Variants in ATP11B observed in about 807,000 individuals in gnomAD.
ATP11B encodes phospholipid-transporting ATPase IF.
ATP11B carries 81 observed loss-of-function variants against 157.8 expected under a neutral mutation model. The ratio of observed to expected loss-of-function variants is 0.51; its 90% confidence interval spans 0.43 to 0.62. The LOEUF (loss-of-function observed/expected upper bound fraction) is 0.62, where lower values mean the gene tolerates loss of function less well. Among genes scored for constraint, ATP11B ranks in the 20% least tolerant of loss-of-function variants. The probability of loss-of-function intolerance (pLI) is 0.00; values close to 1 mark genes in which losing one functional copy is unlikely to be tolerated. For missense variants in ATP11B, 1,165 were observed against 1,402.2 expected (o/e 0.83, Z 2.70); for synonymous variants, 451 against 469.4 (o/e 0.96, Z 0.51).
At chr3:182,901,710 C>G (rs1723980815) in intron 28 of ATP11B, among the ~76,000 whole-genome samples, 1 of 152,082 alleles carries the variant, frequency 6.6e-6, no homozygotes, top group Non-Finnish European at 1.5e-5. Context: ...TTCTTGTTAC[C>G]TTTCCTATAG....
chr3:182,914,285 T>C (rs1349664221), intron 29 of ATP11B: 5 of 1,114,988 alleles, frequency 4.5e-6, no homozygotes. Context: ...GTGTTTATGG[T>C]ACTCTTTTAT....
chr3:182,901,874 A>T (rs1723993046), intron 28 of ATP11B, among the ~76,000 whole-genome samples: 1 of 152,122 alleles, frequency 6.6e-6, no homozygotes, highest in East Asian at 1.9e-4. Context: ...ACAGTGCATC[A>T]ATCATTTTAT....
At chr3:182,879,396 TAA>T in intron 19 of ATP11B, 98 bp from the exon 20 acceptor site, 1 of 1,045,892 alleles carries the variant, frequency 9.6e-7, no homozygotes, top group Non-Finnish European at 1.3e-6. Context: ...GGGCTGTGGG[TAA>T]AAGATCCATC....
At chr3:182,826,974 AG>A (rs1717767198) in intron 2 of ATP11B, among the ~76,000 whole-genome samples, 1 of 152,206 alleles carries the variant, frequency 6.6e-6, no homozygotes, top group African/African-American at 2.4e-5. Context: ...GCCTGAGATC[AG>A]GATATTATCT....
At chr3:182,862,074 C>T (rs1281221256) in intron 12 of ATP11B, among the ~76,000 whole-genome samples, 1 of 151,852 alleles carries the variant, frequency 6.6e-6, no homozygotes, top group Non-Finnish European at 1.5e-5. Context: ...GGCAAAACCC[C>T]ATCTCTACAA....
Position 182,885,965 on chromosome 3 carries a change from C to T in ATP11B, c.2670C>T (p.Ile890=). The change falls in exon 23 of 30, where the codon ATC becomes ATT. Residue 890 remains isoleucine, a synonymous_variant. Transcript: ENST00000323116. ...TTGTTTTTCAGAATGTGTGCTTTAT[C>T]ACACCCCAGTTTTTATATCAGTTCT... The part of the protein sequence containing the change: ...QYFFYKNVCF[I]TPQFLYQFYC... 6.7e-7 allele frequency: 1 copy of T among 1,501,446 alleles called. No individual in the cohort carries two copies. The highest frequency in any genetic ancestry group is 8.8e-7 in the Non-Finnish European group (1 of 1,134,486). 93.0% of individuals were successfully genotyped at this position (1,501,446 alleles called of 1,614,324 possible).
At chr3:182,871,387 T>A (rs1721645775) in intron 17 of ATP11B, among the ~76,000 whole-genome samples, 2 of 152,252 alleles carry the variant, frequency 1.3e-5, no homozygotes, top group Admixed American at 1.3e-4. Context: ...TAGATTTAGA[T>A]ATCAACTTTC....
chr3:182,848,762 A>G (rs1719738703), intron 10 of ATP11B, among the ~76,000 whole-genome samples: 1 of 152,130 alleles, frequency 6.6e-6, no homozygotes, highest in Non-Finnish European at 1.5e-5. Flanking sequence ...ATGACTTTTA[A>G]AATAAATACT....
intron 1 of ATP11B, among the ~76,000 whole-genome samples, chr3:182,810,098 G>A (rs111674949): frequency 0.13 from 19,918 of 152,072 alleles, 1,525 homozygotes; most frequent in African/African-American, 0.22. Flanking sequence ...TTGGGAAGCC[G>A]AGGCGAGCAG....
At chr3:182,802,735 A>C (rs1372482227) in intron 1 of ATP11B, among the ~76,000 whole-genome samples, 1 of 152,012 alleles carries the variant, frequency 6.6e-6, no homozygotes, top group African/African-American at 2.4e-5. Flanking sequence ...CTCAGCACTT[A>C]ATGCTATTTA....
chr3:182,827,670 TACTA>T (rs1369991583), intron 2 of ATP11B, among the ~76,000 whole-genome samples: 6 of 152,082 alleles, frequency 3.9e-5, no homozygotes, highest in Admixed American at 2.6e-4. Context: ...TCATATTTCA[TACTA>T]AACAAACTAT....
chr3:182,847,797 G>A (rs947219129), intron 9 of ATP11B, among the ~76,000 whole-genome samples: 10 of 152,172 alleles, frequency 6.6e-5, no homozygotes, highest in Non-Finnish European at 1.3e-4. Flanking sequence ...CTTACCCGAG[G>A]ATGTAGAACT....
intron 19 of ATP11B, among the ~76,000 whole-genome samples, chr3:182,875,704 G>A (rs1721988357): frequency 1.3e-5 from 2 of 152,176 alleles, no homozygotes; most frequent in African/African-American, 4.8e-5. Context: ...GCCTCCCAAA[G>A]TGCTGGGATT....
intron 1 of ATP11B, among the ~76,000 whole-genome samples, chr3:182,803,924 C>T (rs140589347): frequency 6.6e-6 from 1 of 152,174 alleles, no homozygotes; most frequent in Non-Finnish European, 1.5e-5. Context: ...AAATAATGCT[C>T]TGTCTTAATT....
In ATP11B at chr3:182,866,310, C is replaced by A. The variant is rs760555099; in HGVS notation, c.1486C>A (p.His496Asn). 12 of 1,608,692 alleles carry A rather than the reference C, an allele frequency of 7.5e-6. No homozygotes were observed. Among genetic ancestry groups the A allele is most frequent in the Non-Finnish European group, 9.3e-6 (11 of 1,176,776 alleles). ...DLFFKAVSLCHTVQISNVQTD... is the reference protein window; with the variant it reads ...DLFFKAVSLCNTVQISNVQTD... ...CTTCTTTAAAGCAGTCAGTCTCTGT[C>A]ACACTGTACAGATTAGCAATGTTCA... The change falls in exon 14 of 30, where the codon CAC becomes AAC. Residue 496 changes from histidine to asparagine, a missense_variant. His to Asn is a moderately conservative substitution (Grantham distance 68). Transcript: ENST00000323116.
At chr3:182,804,214 C>A (rs1716179976) in intron 1 of ATP11B, among the ~76,000 whole-genome samples, 1 of 151,912 alleles carries the variant, frequency 6.6e-6, no homozygotes, top group Non-Finnish European at 1.5e-5. Flanking sequence ...ACATAATCTA[C>A]AAATAACATA....
At chr3:182,906,238 A>T (rs976764194) in intron 28 of ATP11B, among the ~76,000 whole-genome samples, 1 of 152,120 alleles carries the variant, frequency 6.6e-6, no homozygotes, top group African/African-American at 2.4e-5. Flanking sequence ...CTCCTTTTGA[A>T]AATGTCATGC....
intron 6 of ATP11B, 149 bp downstream of exon 6, chr3:182,836,619 A>G: frequency 1.1e-6 from 1 of 925,588 alleles, no homozygotes. Context: ...AGGTTTTAAG[A>G]AAGAATTGAT....
In ATP11B at chr3:182,897,302, G is replaced by C; in HGVS notation, c.3049-1G>C. On this transcript the variant is annotated splice_acceptor_variant, in intron 26 of 29. Transcript: ENST00000323116. LOFTEE classifies it high-confidence loss of function. ...CTAAGGATATAAAAACTTTTTTTTA[G>C]ATGGCTCTGGAAACTCATTTTTGGA... is the stretch of plus-strand genomic sequence containing the variant. 1 of 1,540,558 alleles carries C rather than the reference G, an allele frequency of 6.5e-7. No homozygotes were observed. The highest frequency in any genetic ancestry group is 8.7e-7 in the Non-Finnish European group (1 of 1,153,036).
Sources: allele counts gnomAD v4.1 joint callset (sites outside exome capture counted in the v4.1 genomes callset), GRCh38; gene constraint gnomAD v4.1.1; transcripts MANE v1.5; gene names NCBI Gene and HGNC (gene_info 2026-07-23, HGNC 2026-07-21).